Variants in LAPTM4B observed in about 807,000 individuals in gnomAD.
LAPTM4B encodes the protein lysosomal-associated transmembrane protein 4B.
In LAPTM4B, 26 loss-of-function variants were observed where a neutral mutation model predicts 28.5. That is an observed-to-expected ratio of 0.91 (90% CI 0.67 to 1.27). The LOEUF (loss-of-function observed/expected upper bound fraction) is 1.27, where lower values mean the gene tolerates loss of function less well. Ranked by LOEUF, LAPTM4B falls within the 50% of genes most tolerant of loss-of-function variation. The probability of loss-of-function intolerance (pLI) is 0.00; values close to 1 mark genes in which losing one functional copy is unlikely to be tolerated. For synonymous variants in LAPTM4B, 109 were observed against 106.4 expected, an observed-to-expected ratio of 1.02 and a Z score of -0.15; for missense variants, 288 against 285.8, an observed-to-expected ratio of 1.01 and a Z score of -0.06.
rs183016059 is a variant in LAPTM4B, at chr8:97,828,711, A to G, written c.603+3558A>G. ...TTTGGAGGACAACTGCGGCTAAGGA[A>G]TCGACTTGGGATTGGAGGACAGAAA... On this transcript the variant is annotated intron_variant, in intron 6 of 6. Coordinates refer to ENST00000521545, the MANE Select transcript of LAPTM4B (RefSeq NM_018407.6). Among the ~76,000 whole-genome samples the G allele has an allele frequency of 2.0e-4, 30 of 152,310 alleles. No homozygotes were observed. The East Asian group carries it at 3.3e-3, about 17-fold the overall frequency.
chr8:97,831,932 C>A (rs1817189387), intron 6 of LAPTM4B, among the ~76,000 whole-genome samples: 1 of 152,160 alleles, frequency 6.6e-6, no homozygotes, highest in African/African-American at 2.4e-5. Context: ...CTGGTGCCTG[C>A]TGCTTGTTGG....
At chr8:97,782,630 G>T (rs1563599519) in intron 1 of LAPTM4B, among the ~76,000 whole-genome samples, 5 of 150,744 alleles carry the variant, frequency 3.3e-5, no homozygotes, top group South Asian at 4.2e-4. Flanking sequence ...TAGAGACGGG[G>T]TTTCACCATG....
chr8:97,825,836 C>T (rs1817083147), intron 6 of LAPTM4B, among the ~76,000 whole-genome samples: 1 of 152,054 alleles, frequency 6.6e-6, no homozygotes, highest in Non-Finnish European at 1.5e-5. Context: ...ATGCACAGTA[C>T]CAGGAAGTGC....
intron 1 of LAPTM4B, among the ~76,000 whole-genome samples, chr8:97,784,290 T>C (rs1816369289): frequency 1.3e-5 from 2 of 152,244 alleles, no homozygotes; most frequent in South Asian, 2.1e-4. Flanking sequence ...GTCATCTTTA[T>C]TGCCTGGTGT....
chr8:97,821,417 CAA>C (rs1245161581), intron 5 of LAPTM4B, among the ~76,000 whole-genome samples: 6 of 152,054 alleles, frequency 3.9e-5, no homozygotes, highest in Admixed American at 1.3e-4. Context: ...TGAGACAAGA[CAA>C]GAGTACATAG....
intron 1 of LAPTM4B, among the ~76,000 whole-genome samples, chr8:97,790,027 ATGT>A (rs1382903803): frequency 6.6e-6 from 1 of 152,096 alleles, no homozygotes; most frequent in Admixed American, 6.5e-5. Context: ...AGTTCCATCC[ATGT>A]TGTTGCAAAT....
intron 1 of LAPTM4B, among the ~76,000 whole-genome samples, chr8:97,797,075 T>G (rs1816596670): frequency 6.6e-6 from 1 of 151,882 alleles, no homozygotes; most frequent in Non-Finnish European, 1.5e-5. Context: ...CCAGGTCGAG[T>G]AATATAGTGA....
At chr8:97,799,577 G>A (rs989609679) in intron 1 of LAPTM4B, among the ~76,000 whole-genome samples, 14 of 152,260 alleles carry the variant, frequency 9.2e-5, no homozygotes, top group African/African-American at 3.4e-4. Flanking sequence ...GCCCTATTGT[G>A]CAGGAGCTCA....
At chr8:97,797,152 G>C (rs1454731810) in intron 1 of LAPTM4B, among the ~76,000 whole-genome samples, 4 of 100,918 alleles carry the variant, frequency 4.0e-5, no homozygotes, top group African/African-American at 1.6e-4. Flanking sequence ...TTTTTTTTTT[G>C]AGATGAAGTT....
chr8:97,848,336 G>T (rs1429713614), intron 6 of LAPTM4B, among the ~76,000 whole-genome samples: 1 of 151,858 alleles, frequency 6.6e-6, no homozygotes, highest in Non-Finnish European at 1.5e-5. Flanking sequence ...TGAATAATAA[G>T]AAATAGTGAC....
intron 6 of LAPTM4B, among the ~76,000 whole-genome samples, chr8:97,832,283 AGT>A (rs1193881260): frequency 1.3e-5 from 2 of 152,166 alleles, no homozygotes; most frequent in Non-Finnish European, 2.9e-5. Context: ...CTCTTCTAAC[AGT>A]GTGCCTCTTT....
chr8:97,809,472 G>T (rs1816796839), intron 2 of LAPTM4B, among the ~76,000 whole-genome samples: 1 of 152,104 alleles, frequency 6.6e-6, no homozygotes, highest in South Asian at 2.1e-4. Flanking sequence ...GGCCAAAGTG[G>T]GTGGATTGCT....
intron 5 of LAPTM4B, among the ~76,000 whole-genome samples, chr8:97,821,259 C>T (rs1816997252): frequency 8.5e-6 from 1 of 118,130 alleles, no homozygotes; most frequent in East Asian, 3.1e-4. Flanking sequence ...TGGCATGAAC[C>T]CAGGAGGCAG....
chr8:97,777,193 C>A (rs1276259040), intron 1 of LAPTM4B, among the ~76,000 whole-genome samples: 1 of 118,706 alleles, frequency 8.4e-6, no homozygotes, highest in African/African-American at 3.3e-5. Context: ...GTGGCCCGGG[C>A]TGGAGTGCAA....
chr8:97,818,690 T>C (rs11785288), intron 4 of LAPTM4B, among the ~76,000 whole-genome samples: 69,485 of 151,886 alleles, frequency 0.46, 16,280 homozygotes, highest in East Asian at 0.58. Context: ...GCCCTGCATA[T>C]GCCCTTTAGA....
chr8:97,805,625 G>A (rs1164696459), intron 2 of LAPTM4B, among the ~76,000 whole-genome samples, 161 bp downstream of exon 2: 1 of 152,074 alleles, frequency 6.6e-6, no homozygotes, highest in Admixed American at 6.6e-5. Context: ...CTGTCTTCTA[G>A]GTGCAAGAGT....
At chr8:97,833,763 C>G (rs1257921980) in intron 6 of LAPTM4B, among the ~76,000 whole-genome samples, 1 of 152,066 alleles carries the variant, frequency 6.6e-6, no homozygotes, top group South Asian at 2.1e-4. Flanking sequence ...GGTTAACCAT[C>G]TTTTTGGAAG....
At chr8:97,821,099 A>C (rs2129804154) in intron 5 of LAPTM4B, among the ~76,000 whole-genome samples, 1 of 151,134 alleles carries the variant, frequency 6.6e-6, no homozygotes, top group East Asian at 2.1e-4. Context: ...GCACTTTGGG[A>C]GGCCAAGACG....
intron 6 of LAPTM4B, among the ~76,000 whole-genome samples, chr8:97,827,649 C>G (rs1034883968): frequency 2.0e-5 from 3 of 152,140 alleles, no homozygotes; most frequent in African/African-American, 7.2e-5. Context: ...GGATCTGACA[C>G]TGTTTCCAGG....
Sources: gnomAD v4.1 joint callset for allele counts (sites outside exome capture counted in the v4.1 genomes callset) on GRCh38, gnomAD v4.1.1 for gene constraint, MANE v1.5 for transcripts, NCBI Gene and HGNC (gene_info 2026-07-23, HGNC 2026-07-21) for gene names.